TSPEAR: variants seen among roughly 807,000 people sequenced by gnomAD.
TSPEAR encodes thrombospondin type laminin G domain and EAR repeats, also known as thrombospondin-type laminin G domain and EAR repeat-containing protein.
Under a neutral mutation model 71.6 loss-of-function variants are expected in TSPEAR, and 69 were observed. The observed-to-expected ratio is 0.96, with a 90% CI of 0.79 to 1.18. The LOEUF (loss-of-function observed/expected upper bound fraction) is 1.18. Among genes scored for constraint, TSPEAR ranks in the 50% most tolerant of loss-of-function variants. The pLI is 0.00. For missense variants in TSPEAR, 971 were observed against 894.9 expected, an observed-to-expected ratio of 1.09 and a Z score of -1.09; for synonymous variants, 402 against 387.2, an observed-to-expected ratio of 1.04 and a Z score of -0.45.
At chr21:44,599,134 T>TCTCTCTCTCTCTCTCTCTCTC (rs1980573681) in intron 1 of TSPEAR, among the ~76,000 whole-genome samples, 12 of 92,342 alleles carry the variant, frequency 1.3e-4, no homozygotes, top group African/African-American at 2.0e-4. Context: ...GGCCCCCATT[T>TCTCTCTCTCTCTCTCTCTCTC]TCTCTCTCTC....
chr21:44,690,121 A>C (rs1555949572), intron 1 of TSPEAR, among the ~76,000 whole-genome samples: 1 of 152,048 alleles, frequency 6.6e-6, no homozygotes, highest in Non-Finnish European at 1.5e-5. Flanking sequence ...AGTATTAACC[A>C]TCACCATGAG....
intron 1 of TSPEAR, among the ~76,000 whole-genome samples, chr21:44,611,308 G>A (rs1981654069): frequency 6.6e-6 from 1 of 152,182 alleles, no homozygotes; most frequent in East Asian, 1.9e-4. Context: ...GAATCATGGG[G>A]GCCGGTCTTT....
At chr21:44,677,910 C>T in intron 1 of TSPEAR, 1 of 1,396,728 alleles carries the variant, frequency 7.2e-7, no homozygotes, top group Non-Finnish European at 1.0e-6. Context: ...GATAGTGCCA[C>T]CAATACCTCC....
rs187076484 is a variant in TSPEAR, at chr21:44,568,369, C to A, written c.83-364G>T. Among the ~76,000 whole-genome samples, 319 of 152,300 alleles carry A rather than the reference C, an allele frequency of 2.1e-3. 1 individual carries two copies. The highest frequency in any genetic ancestry group is 6.9e-3 in the African/African-American group (286 of 41,552). On this transcript the variant is annotated intron_variant, in intron 1 of 11. Transcript: ENST00000323084. ...TGGCCCCACCGCAGCCACGGGAACC[C>A]CAAAGGAAACGCAGGAAGCGGCTGG...
chr21:44,629,238 C>T (rs1983107917), intron 1 of TSPEAR, among the ~76,000 whole-genome samples: 1 of 152,198 alleles, frequency 6.6e-6, no homozygotes, highest in South Asian at 2.1e-4. Context: ...GACCCCCACA[C>T]CTGAGAGGAG....
Position 44,642,660 on chromosome 21 carries a change from G to A in TSPEAR, c.82+68773C>T, listed in dbSNP as rs1011837090. On this transcript the variant is annotated intron_variant, in intron 1 of 11. Coordinates refer to ENST00000323084, the MANE Select transcript of TSPEAR (RefSeq NM_144991.3). The surrounding 1 kb of genome is among the most constrained non-coding windows in gnomAD (Gnocchi z 4.1). ...AGATCGAGACCATCCTGGCTAACAC[G>A]GTGAAACCCCGTCTCTACTAAAAAT... Among the ~76,000 whole-genome samples the A allele has an allele frequency of 3.9e-5, 6 of 152,064 alleles. No homozygotes were observed. The highest frequency in any genetic ancestry group is 7.2e-5 in the African/African-American group (3 of 41,422).
At chr21:44,702,751 T>TC (rs1346503701) in intron 1 of TSPEAR, 1 of 1,392,276 alleles carries the variant, frequency 7.2e-7, no homozygotes, top group Non-Finnish European at 1.0e-6. Context: ...CCGTGTGTGC[T>TC]CCCACCTGGC....
intron 1 of TSPEAR, chr21:44,677,065 TG>T: frequency 5.4e-6 from 4 of 739,460 alleles, no homozygotes; most frequent in Non-Finnish European, 9.9e-6. Flanking sequence ...CACCAGCTCA[TG>T]ATACTGAGAT....
intron 1 of TSPEAR, chr21:44,579,369 G>C (rs782433302): frequency 4.4e-5 from 12 of 274,192 alleles, no homozygotes; most frequent in Non-Finnish European, 8.3e-5. Flanking sequence ...TCTAGGTTAA[G>C]TCACTCATTC....
intron 1 of TSPEAR, among the ~76,000 whole-genome samples, chr21:44,631,238 A>G (rs782680323): frequency 2.6e-5 from 4 of 152,246 alleles, no homozygotes; most frequent in Non-Finnish European, 5.9e-5. Flanking sequence ...ATCTCAACCA[A>G]GAGAGAATAT....
At chr21:44,648,547 C>A (rs587683410) in intron 1 of TSPEAR, among the ~76,000 whole-genome samples, 1 of 152,288 alleles carries the variant, frequency 6.6e-6, no homozygotes, top group South Asian at 2.1e-4. Flanking sequence ...CCTTTCATAG[C>A]ACAAACAGTT....
At chr21:44,639,014 A>G (rs112800148) in intron 1 of TSPEAR, among the ~76,000 whole-genome samples, 7,285 of 151,858 alleles carry the variant, frequency 0.048, 214 homozygotes, top group African/African-American at 0.084. Context: ...CCCAGTATTC[A>G]TGGGGTTCTG....
At chr21:44,530,252 CCATGCATT>C (rs1303666606) in intron 4 of TSPEAR, among the ~76,000 whole-genome samples, 3 of 152,228 alleles carry the variant, frequency 2.0e-5, no homozygotes, top group Admixed American at 2.0e-4. Flanking sequence ...TCCTGTTCAT[CCATGCATT>C]CATCCATCCA....
chr21:44,550,056 A>G (rs1466276628), intron 2 of TSPEAR, among the ~76,000 whole-genome samples: 1 of 152,154 alleles, frequency 6.6e-6, no homozygotes, highest in Non-Finnish European at 1.5e-5. Context: ...GACAGCCCCA[A>G]CCCTTGCCAT....
intron 1 of TSPEAR, among the ~76,000 whole-genome samples, chr21:44,582,720 T>C (rs1484510864): frequency 1.3e-5 from 2 of 152,336 alleles, no homozygotes; most frequent in East Asian, 3.9e-4. Flanking sequence ...ACGTGTCTTT[T>C]TGGATCATGG....
intron 11 of TSPEAR, among the ~76,000 whole-genome samples, chr21:44,502,924 T>C (rs450149): frequency 0.03 from 1,469 of 48,586 alleles, 34 homozygotes; most frequent in Middle Eastern, 0.17. Context: ...GGGAGGAAGC[T>C]GGCCTCAGTG....
intron 2 of TSPEAR, among the ~76,000 whole-genome samples, chr21:44,543,180 G>A (rs1555917395): frequency 6.6e-6 from 1 of 152,028 alleles, no homozygotes; most frequent in East Asian, 1.9e-4. Flanking sequence ...ATGAAAGCAA[G>A]AAGTTGATAA....
chr21:44,627,900 C>G, intron 1 of TSPEAR: 1 of 1,612,202 alleles, frequency 6.2e-7, no homozygotes, highest in African/African-American at 1.3e-5. Flanking sequence ...GGCCCGCCTG[C>G]TGCGTGCCCG....
At chr21:44,602,894 G>A (rs1985533) in intron 1 of TSPEAR, among the ~76,000 whole-genome samples, 6,411 of 152,204 alleles carry the variant, frequency 0.042, 394 homozygotes, top group African/African-American at 0.14. Context: ...AATCACAGCT[G>A]TGAATACCAC....
Sources: allele counts gnomAD v4.1 joint callset (sites outside exome capture counted in the v4.1 genomes callset), GRCh38; gene constraint gnomAD v4.1.1; non-coding constraint Gnocchi (gnomAD v3.1); transcripts MANE v1.5; gene names NCBI Gene and HGNC (gene_info 2026-07-23, HGNC 2026-07-21).